Variants in ARHGEF37 observed in about 807,000 individuals in gnomAD.
ARHGEF37 encodes Rho guanine nucleotide exchange factor 37.
In ARHGEF37, 55 loss-of-function variants were observed where a neutral mutation model predicts 71.1. The ratio of observed to expected loss-of-function variants is 0.77; its 90% CI spans 0.62 to 0.97. The LOEUF (loss-of-function observed/expected upper bound fraction) is 0.97, where lower values mean the gene tolerates loss of function less well. Among genes scored for constraint, ARHGEF37 ranks in the 50% least tolerant of loss-of-function variants. ARHGEF37 has a pLI of 0.00. For missense variants in ARHGEF37, 765 were observed against 836.8 expected (o/e 0.91, Z 1.06); for synonymous variants, 327 against 350.6 (o/e 0.93, Z 0.75).
At chr5:149,579,752 T>C (rs988179745), upstream of ARHGEF37, among the ~76,000 whole-genome samples, 31 of 151,944 alleles carry the variant, frequency 2.0e-4, no homozygotes, top group African/African-American at 7.2e-4. Context: ...CAGCTAATTT[T>C]TGTATTTTTA....
At chr5:149,556,232 C>T (rs1369185316) in intron 1 of ARHGEF37, among the ~76,000 whole-genome samples, 5 of 152,042 alleles carry the variant, frequency 3.3e-5, no homozygotes, top group Admixed American at 1.3e-4. Flanking sequence ...CTCACTCTGT[C>T]GCCCAGGCTG....
intron 4 of ARHGEF37, among the ~76,000 whole-genome samples, chr5:149,616,099 A>C (rs568206440): frequency 6.6e-6 from 1 of 151,706 alleles, no homozygotes; most frequent in African/African-American, 2.4e-5. Context: ...GATGTGTTTA[A>C]AGCCATAGGA....
At chr5:149,587,811 G>C (rs1763280590) in intron 1 of ARHGEF37, among the ~76,000 whole-genome samples, 1 of 151,800 alleles carries the variant, frequency 6.6e-6, no homozygotes, top group Non-Finnish European at 1.5e-5. Context: ...TCTGACTATG[G>C]TGTCTATCTT....
intron 1 of ARHGEF37, among the ~76,000 whole-genome samples, chr5:149,596,156 A>G (rs930881545): frequency 1.3e-5 from 2 of 152,022 alleles, no homozygotes; most frequent in African/African-American, 4.8e-5. Flanking sequence ...GTAGTTTTCA[A>G]TTCCCTGTTT....
intron 1 of ARHGEF37, among the ~76,000 whole-genome samples, chr5:149,587,649 C>T (rs1763273826): frequency 6.6e-6 from 1 of 152,108 alleles, no homozygotes; most frequent in African/African-American, 2.4e-5. Context: ...AAATAGTGTG[C>T]CTCTCTCTTA....
intron 1 of ARHGEF37, among the ~76,000 whole-genome samples, chr5:149,556,523 G>T (rs568025425): frequency 6.6e-6 from 1 of 152,256 alleles, no homozygotes; most frequent in East Asian, 1.9e-4. Context: ...AAGTAGCTGG[G>T]ATTACAGGCA....
In ARHGEF37 at chr5:149,628,705, G is replaced by T. The variant is rs757649323; in HGVS notation, c.1661-104G>T. On this transcript the variant is annotated intron_variant, in intron 11 of 12. Transcript: ENST00000333677. ...AGATGACCTTTTGGTTCTCTTGGGT[G>T]TTGAGAAGCTGTGTTGGAAACATTT... The T allele has an allele frequency of 3.5e-6, 5 of 1,416,366 alleles. No homozygotes were observed. The African/African-American group carries it at 4.3e-5, about 12-fold the overall frequency. 87.7% of individuals were successfully genotyped at this position (1,416,366 alleles called of 1,614,324 possible). A position where few individuals can be genotyped will look rare whatever the true frequency, so the allele number is the denominator to read the frequency against.
At chr5:149,579,339 G>T (rs1278662962), upstream of ARHGEF37, among the ~76,000 whole-genome samples, 1 of 152,256 alleles carries the variant, frequency 6.6e-6, no homozygotes, top group Non-Finnish European at 1.5e-5. Context: ...CAGCTTTGGG[G>T]TCAGCTCTTC....
At chr5:149,608,901 GT>G (rs1361718022) in intron 3 of ARHGEF37, among the ~76,000 whole-genome samples, 1 of 152,088 alleles carries the variant, frequency 6.6e-6, no homozygotes, top group African/African-American at 2.4e-5. Context: ...GATAAAATGA[GT>G]GGCCAGGAGT....
chr5:149,567,657 C>T (rs761667372), intron 1 of ARHGEF37, among the ~76,000 whole-genome samples: 6 of 152,094 alleles, frequency 3.9e-5, no homozygotes, highest in Non-Finnish European at 5.9e-5. Context: ...CGTTTATTTT[C>T]GTGGTTAAAT....
At chr5:149,572,523 A>C (rs1289185044) in intron 1 of ARHGEF37, among the ~76,000 whole-genome samples, 1 of 152,188 alleles carries the variant, frequency 6.6e-6, no homozygotes, top group African/African-American at 2.4e-5. Flanking sequence ...GTTTAAGGAG[A>C]TGCATATGGG....
At chr5:149,554,151 G>A (rs1429692227) in intron 1 of ARHGEF37, among the ~76,000 whole-genome samples, 2 of 152,080 alleles carry the variant, frequency 1.3e-5, no homozygotes, top group African/African-American at 4.8e-5. Flanking sequence ...CTGGGCAAGA[G>A]AGTGAGACTT....
rs923388142 is a variant in ARHGEF37, at chr5:149,621,775, C to G, written c.1048C>G (p.Leu350Val). The G allele has an allele frequency of 1.2e-6, 2 of 1,614,080 alleles. No individual in the cohort carries two copies. Among genetic ancestry groups the G allele is most frequent in the Admixed American group, 1.7e-5 (1 of 59,998 alleles). ...EGLVWQPLCS[L>V]AKALLGPQNL... ...CCTGGTGTGGCAGCCACTGTGCAGC[C>G]TGGCCAAAGCCCTGCTTGGCCCTCA... The change falls in exon 9 of 13, where the codon CTG (leucine) becomes GTG (valine). Residue 350 changes from leucine to valine, a missense_variant. Around this residue, in one of 5 missense-constraint regions of ARHGEF37, gnomAD observed 4 missense variants for 18.4 expected, o/e 0.22. Coordinates refer to ENST00000333677, the MANE Select transcript of ARHGEF37 (RefSeq NM_001001669.3).
chr5:149,558,575 T>C (rs905738446), intron 1 of ARHGEF37, among the ~76,000 whole-genome samples: 4 of 151,730 alleles, frequency 2.6e-5, no homozygotes, highest in Non-Finnish European at 4.4e-5. Flanking sequence ...TGACTGGTCT[T>C]GAATACCTGG....
intron 9 of ARHGEF37, 71 bp from the exon 10 acceptor site, chr5:149,623,941 A>G: frequency 1.3e-6 from 2 of 1,516,350 alleles, no homozygotes; most frequent in East Asian, 2.3e-5. Context: ...AATAATATAA[A>G]CCCAAAGCAA....
intron 11 of ARHGEF37, 35 bp downstream of exon 11, chr5:149,627,306 G>A (rs200512640): frequency 2.8e-5 from 45 of 1,595,414 alleles, no homozygotes; most frequent in South Asian, 2.5e-4. Context: ...CTTCTCCTTC[G>A]GGGAAAACCA....
upstream of ARHGEF37, among the ~76,000 whole-genome samples, chr5:149,580,212 C>T (rs1452409855): frequency 6.6e-6 from 1 of 152,124 alleles, no homozygotes; most frequent in Non-Finnish European, 1.5e-5. Context: ...AGGTGTGCAC[C>T]ACCACGCCCA....
At chr5:149,611,091 G>T (rs1425210919) in intron 4 of ARHGEF37, among the ~76,000 whole-genome samples, 2 of 152,178 alleles carry the variant, frequency 1.3e-5, no homozygotes, top group Non-Finnish European at 2.9e-5. Context: ...CTTCCCGCCT[G>T]CTAGCTTATT....
In ARHGEF37 at chr5:149,609,613, G is replaced by T; in HGVS notation, c.376G>T (p.Asp126Tyr). The T allele has an allele frequency of 1.2e-6, 2 of 1,613,722 alleles. No individual in the cohort carries two copies. Among genetic ancestry groups the T allele is most frequent in the South Asian group, 1.1e-5 (1 of 91,008 alleles). The change falls in exon 4 of 13, where the codon GAC becomes TAC. Residue 126 changes from aspartate (D) to tyrosine (Y), a missense_variant. Transcript: ENST00000333677. ...CTATAAGGTCTACTGTGCCAGCTACGACCAGGCCTTGCTACTGGTGGACAC... is the reference window on the plus strand; with the variant it reads ...CTATAAGGTCTACTGTGCCAGCTACTACCAGGCCTTGCTACTGGTGGACAC... ...QVYKVYCASY[D>Y]QALLLVDTYR...
Sources: allele counts gnomAD v4.1 joint callset (sites outside exome capture counted in the v4.1 genomes callset), GRCh38; gene constraint gnomAD v4.1.1; regional missense constraint gnomAD v4.1.1; transcripts MANE v1.5; gene names NCBI Gene and HGNC (gene_info 2026-07-23, HGNC 2026-07-21).